The following KATNIP variants were observed in gnomAD, a reference collection of about 807,000 sequenced individuals.
KATNIP encodes the protein katanin-interacting protein.
KATNIP carries 126 observed loss-of-function variants against 174.0 expected under a neutral mutation model. The ratio of observed to expected loss-of-function variants is 0.72; its 90% confidence interval spans 0.63 to 0.84. The LOEUF (loss-of-function observed/expected upper bound fraction) is 0.84, where lower values mean the gene tolerates loss of function less well. Among genes scored for constraint, KATNIP ranks in the 40% least tolerant of loss-of-function variants. The probability of loss-of-function intolerance (pLI) is 0.00; values close to 1 mark genes in which losing one functional copy is unlikely to be tolerated. For synonymous variants in KATNIP, 810 were observed against 835.7 expected (o/e 0.97, Z 0.53); for missense variants, 1,958 against 2,109.7 (o/e 0.93, Z 1.41).
chr16:27,628,496 A>G (rs2076393504), intron 3 of KATNIP, 165 bp from the exon 4 acceptor site: 1 of 699,988 alleles, frequency 1.4e-6, no homozygotes, highest in Admixed American at 2.9e-5. Flanking sequence ...TAAGTGGGTA[A>G]TGGGCCTGTC....
intron 6 of KATNIP, among the ~76,000 whole-genome samples, chr16:27,655,635 G>A (rs542276446): frequency 1.3e-5 from 2 of 152,150 alleles, no homozygotes; most frequent in African/African-American, 2.4e-5. Context: ...AGCACTTACC[G>A]AGTGCCAAGC....
intron 1 of KATNIP, among the ~76,000 whole-genome samples, chr16:27,568,762 C>T (rs2090179682): frequency 6.6e-6 from 1 of 152,182 alleles, no homozygotes; most frequent in Non-Finnish European, 1.5e-5. Context: ...CGCACCCGGC[C>T]GGAAATAAGT....
intron 8 of KATNIP, among the ~76,000 whole-genome samples, chr16:27,696,969 T>A (rs2142966442): frequency 6.6e-6 from 1 of 152,238 alleles, no homozygotes; most frequent in East Asian, 1.9e-4. Context: ...CTTCAGGTGA[T>A]CCACCCACCT....
chr16:27,777,967 C>T lies in KATNIP; in HGVS notation c.4799C>T (p.Pro1600Leu), dbSNP rs757057303. The stretch of plus-strand genomic sequence containing the variant: ...AAACGGAAGCAGAGCGTTGTTGACC[C>T]AGGTCAGTGGCGTTTCTCTGCCCAG... ...NAKRKQSVVD[P>L]ALRPKTCISE... Residue 1600 changes from proline to leucine, a missense_variant and splice_region_variant, in exon 27 of 28, where the codon CCA becomes CTA. Physicochemically the swap from Pro to Leu is moderately conservative, Grantham distance 98. Around this residue, in one of 3 missense-constraint regions of KATNIP, gnomAD observed 383 missense variants for 456.0 expected, o/e 0.84. Transcript: ENST00000261588. The surrounding 1 kb of genome is among the most constrained non-coding windows in gnomAD (Gnocchi z 4.4). 12 of 1,613,640 alleles carry T rather than the reference C, an allele frequency of 7.4e-6. No homozygotes were observed. Among genetic ancestry groups the T allele is most frequent in the Non-Finnish European group, 2.5e-6 (3 of 1,179,708 alleles).
Position 27,776,508 on chromosome 16 carries a change from TG to T in KATNIP, c.4450-416del, listed in dbSNP as rs2082503452. On this transcript the variant is annotated intron_variant, in intron 24 of 27. Transcript: ENST00000261588. This position sits in a 1 kb window ranked among gnomAD's most constrained non-coding sequence, Gnocchi z 4.7. ...TTGGCGTTGCTTCTCAGTGATGGTT[TG>T]GGGAAAGGACAGACAGGGTCAGATG... 6.6e-6 allele frequency among the ~76,000 whole-genome samples: 1 copy of T among 152,088 alleles called. No individual in the cohort carries two copies. Among genetic ancestry groups the T allele is most frequent in the Non-Finnish European group, 1.5e-5 (1 of 68,020 alleles).
chr16:27,634,531 C>T (rs2076579712), intron 5 of KATNIP, among the ~76,000 whole-genome samples: 1 of 152,148 alleles, frequency 6.6e-6, no homozygotes, highest in Non-Finnish European at 1.5e-5. Context: ...TAGCTGCAAT[C>T]CAGGAATCAG....
intron 3 of KATNIP, among the ~76,000 whole-genome samples, chr16:27,621,139 G>A (rs1463719622): frequency 6.6e-6 from 1 of 151,914 alleles, no homozygotes; most frequent in Non-Finnish European, 1.5e-5. Flanking sequence ...AGCCAGGTGT[G>A]GTGGCATCCA....
intron 2 of KATNIP, among the ~76,000 whole-genome samples, chr16:27,592,833 G>T (rs1425511781): frequency 6.6e-6 from 1 of 152,196 alleles, no homozygotes; most frequent in East Asian, 1.9e-4. Context: ...GGGATTACAG[G>T]CATGAGCCAC....
chr16:27,594,202 G>A (rs772989343), intron 2 of KATNIP, among the ~76,000 whole-genome samples: 8 of 152,120 alleles, frequency 5.3e-5, no homozygotes, highest in Non-Finnish European at 8.8e-5. Flanking sequence ...CAAGTCTGCA[G>A]TGAGGTGTGT....
intron 2 of KATNIP, among the ~76,000 whole-genome samples, chr16:27,593,907 T>G (rs567330205): frequency 5.3e-5 from 8 of 152,100 alleles, no homozygotes; most frequent in African/African-American, 1.9e-4. Context: ...AGTGGTGGGG[T>G]CACACTGTCC....
intron 15 of KATNIP, among the ~76,000 whole-genome samples, chr16:27,745,202 T>G (rs1317249746): frequency 1.3e-5 from 2 of 152,218 alleles, no homozygotes; most frequent in African/African-American, 4.8e-5. Flanking sequence ...TGGAGAATCC[T>G]TAATGATCAC....
chr16:27,769,778 C>T, intron 20 of KATNIP, 83 bp from the exon 21 acceptor site: 1 of 1,508,258 alleles, frequency 6.6e-7, no homozygotes, highest in East Asian at 2.3e-5. Flanking sequence ...GCACAGCTGC[C>T]AGCAGCTCCG....
At chr16:27,587,491 G>A (rs747548971) in intron 2 of KATNIP, among the ~76,000 whole-genome samples, 4 of 152,184 alleles carry the variant, frequency 2.6e-5, no homozygotes, top group African/African-American at 7.2e-5. Context: ...GTTCGTTATC[G>A]TACCAACCTA....
At chr16:27,721,851 A>T (rs1170324558) in intron 14 of KATNIP, among the ~76,000 whole-genome samples, 156 bp downstream of exon 14, 1 of 152,182 alleles carries the variant, frequency 6.6e-6, no homozygotes, top group African/African-American at 2.4e-5. Flanking sequence ...TTCACACTGC[A>T]TTCTCATAGC....
At chr16:27,733,884 G>C (rs2080797375) in intron 14 of KATNIP, among the ~76,000 whole-genome samples, 1 of 152,094 alleles carries the variant, frequency 6.6e-6, no homozygotes, top group Admixed American at 6.6e-5. Context: ...TCATGGGGCA[G>C]ATGTGACTCT....
chr16:27,706,455 C>T (rs537733264), intron 12 of KATNIP, among the ~76,000 whole-genome samples: 3 of 152,114 alleles, frequency 2.0e-5, no homozygotes, highest in Admixed American at 6.5e-5. Context: ...AGAAAAGAGA[C>T]GCCGTGGCTT....
intron 1 of KATNIP, among the ~76,000 whole-genome samples, chr16:27,560,473 A>T (rs1336347717): frequency 2.0e-5 from 3 of 151,986 alleles, no homozygotes; most frequent in Non-Finnish European, 2.9e-5. Flanking sequence ...GTTACCTGTC[A>T]TCTGGTGCTC....
chr16:27,755,976 T>C lies in KATNIP; in HGVS notation c.3631+1725T>C, dbSNP rs1025302927. Among the ~76,000 whole-genome samples the C allele has an allele frequency of 3.3e-5, 5 of 152,220 alleles. No homozygotes were observed. The East Asian group carries it at 9.7e-4, about 29-fold the overall frequency. ...GGAGACTCTCTTCAGCCAAGGGCAG[T>C]CACAAGTCAAGAGCCTCAGTGGTGA... On this transcript the variant is annotated intron_variant, in intron 18 of 27. Coordinates refer to ENST00000261588, the MANE Select transcript of KATNIP (RefSeq NM_015202.5).
At chr16:27,743,061 C>T (rs992272812) in intron 15 of KATNIP, among the ~76,000 whole-genome samples, 6 of 152,188 alleles carry the variant, frequency 3.9e-5, no homozygotes, top group Admixed American at 1.3e-4. Context: ...TCCCTGTATT[C>T]ATGTGTTCTC....
Sources: allele counts gnomAD v4.1 joint callset (sites outside exome capture counted in the v4.1 genomes callset), GRCh38; gene constraint gnomAD v4.1.1; regional missense constraint gnomAD v4.1.1; non-coding constraint Gnocchi (gnomAD v3.1); transcripts MANE v1.5; gene names NCBI Gene and HGNC (gene_info 2026-07-23, HGNC 2026-07-21).